The following POMGNT1 variants were observed in gnomAD, a reference collection of about 807,000 sequenced individuals.
POMGNT1 encodes the protein protein O-linked-mannose beta-1,2-N-acetylglucosaminyltransferase 1.
POMGNT1 carries 67 observed loss-of-function variants against 95.6 expected under a neutral mutation model. The ratio of observed to expected loss-of-function variants is 0.70; its 90% CI spans 0.58 to 0.86. The LOEUF is 0.86. Among genes scored for constraint, POMGNT1 ranks in the 40% least tolerant of loss-of-function variants. The probability of loss-of-function intolerance (pLI) is 0.00; values close to 1 mark genes in which losing one functional copy is unlikely to be tolerated. For synonymous variants in POMGNT1, 298 were observed against 317.9 expected, an observed-to-expected ratio of 0.94 and a Z score of 0.66; for missense variants, 719 against 855.2, an observed-to-expected ratio of 0.84 and a Z score of 1.99.
Position 46,196,141 on chromosome 1 carries a change from G to C in POMGNT1, c.355-64C>G. Reference sequence around the variant, plus strand: ...GGCATTCAAGGTGTCTCTGTCTTAGGGGTACTTAAAACACCAGCTGCTTGA... The same window carrying C: ...GGCATTCAAGGTGTCTCTGTCTTAGCGGTACTTAAAACACCAGCTGCTTGA... On this transcript the variant is annotated intron_variant, in intron 4 of 21. Coordinates refer to ENST00000371984, the MANE Select transcript of POMGNT1 (RefSeq NM_017739.4). The surrounding 1 kb of genome is among the most constrained non-coding windows in gnomAD (Gnocchi z 4.4). 1 of 1,611,254 alleles carries C rather than the reference G, an allele frequency of 6.2e-7. No individual in the cohort carries two copies. Among genetic ancestry groups the C allele is most frequent in the South Asian group, 1.1e-5 (1 of 90,664 alleles).
chr1:46,212,070 C>T (rs1481232902), intron 1 of POMGNT1, among the ~76,000 whole-genome samples: 1 of 151,952 alleles, frequency 6.6e-6, no homozygotes, highest in African/African-American at 2.4e-5. Flanking sequence ...CCTCAATGTA[C>T]AAATATTAAT....
intron 1 of POMGNT1, among the ~76,000 whole-genome samples, chr1:46,215,421 G>C (rs2148250677): frequency 6.6e-6 from 1 of 152,192 alleles, no homozygotes; most frequent in South Asian, 2.1e-4. Context: ...AGATTGAAAA[G>C]GCCCATCAAG....
chr1:46,197,712 C>A lies in POMGNT1; in HGVS notation c.110G>T (p.Arg37Ile), dbSNP rs144746222. The A allele has an allele frequency of 1.4e-5, 23 of 1,614,144 alleles. No homozygotes were observed. Among genetic ancestry groups the A allele is most frequent in the Non-Finnish European group, 1.9e-5 (23 of 1,180,006 alleles). The change falls in exon 2 of 22, where the codon AGA becomes ATA. Residue 37 changes from arginine to isoleucine, a missense_variant. Transcript: ENST00000371984. ...YKLTNQRALR[R>I]FCQTGAVLFL... ...GGGACATCTCTATACCTGACAGAAT[C>A]TCCGCAGGGCCCGCTGGTTTGTCAG... is the stretch of plus-strand genomic sequence containing the variant.
At chr1:46,194,692 C>A in intron 7 of POMGNT1, 41 bp from the exon 8 acceptor site, 1 of 1,614,236 alleles carries the variant, frequency 6.2e-7, no homozygotes, top group African/African-American at 1.3e-5. Flanking sequence ...GGCCCAGACA[C>A]CAGTTTGGGG....
At chr1:46,203,304 G>T, upstream of POMGNT1, 2 of 676,184 alleles carry the variant, frequency 3.0e-6, no homozygotes, top group Non-Finnish European at 4.5e-6. Context: ...CCCTCCTCCC[G>T]CCCCCGCGCC....
intron 1 of POMGNT1, among the ~76,000 whole-genome samples, chr1:46,206,195 T>C (rs1332852966): frequency 6.6e-6 from 1 of 152,250 alleles, no homozygotes; most frequent in Non-Finnish European, 1.5e-5. Flanking sequence ...AAGTCTTGGC[T>C]CTGCTTCTGA....
chr1:46,202,905 C>CTG (rs1553164797), upstream of POMGNT1, among the ~76,000 whole-genome samples: 4 of 3,918 alleles, frequency 1.0e-3, 2 homozygotes, highest in Non-Finnish European at 0.023. Flanking sequence ...ATTCTAGCCC[C>CTG]TGGGGGGGGG....
upstream of POMGNT1, among the ~76,000 whole-genome samples, chr1:46,200,760 C>A (rs1658510314): frequency 6.6e-6 from 1 of 152,238 alleles, no homozygotes; most frequent in Non-Finnish European, 1.5e-5. Flanking sequence ...ATTTCAGTTT[C>A]TTGCTTTCCA....
chr1:46,219,532 G>A (rs1659166927), intron 1 of POMGNT1, among the ~76,000 whole-genome samples: 1 of 152,180 alleles, frequency 6.6e-6, no homozygotes, highest in East Asian at 1.9e-4. Context: ...GAGCTGAAAT[G>A]TTAGGCAGCA....
chr1:46,207,344 T>G (rs904032067), intron 1 of POMGNT1, among the ~76,000 whole-genome samples: 1 of 151,736 alleles, frequency 6.6e-6, no homozygotes, highest in African/African-American at 2.4e-5. Flanking sequence ...CCTCCCAAAG[T>G]GCTGGGATTA....
chr1:46,202,587 C>G (rs547205659), upstream of POMGNT1, among the ~76,000 whole-genome samples: 6 of 149,824 alleles, frequency 4.0e-5, no homozygotes, highest in Non-Finnish European at 8.8e-5. Flanking sequence ...CCCAGCTACT[C>G]AGGAGGCAGA....
chr1:46,197,499 T>G, intron 2 of POMGNT1: 1 of 1,492,404 alleles, frequency 6.7e-7, no homozygotes, highest in Non-Finnish European at 8.9e-7. Flanking sequence ...GTCAGAAGCT[T>G]AGAAGTTGTA....
exon 1 of POMGNT1, chr1:46,220,008 G>T (rs1447218588): frequency 6.2e-7 from 1 of 1,614,240 alleles, no homozygotes; most frequent in African/African-American, 1.3e-5. Context: ...TTCCGAGATG[G>T]ACTGGGCAAA....
At chr1:46,200,475 G>C (rs952852311), upstream of POMGNT1, among the ~76,000 whole-genome samples, 2 of 152,168 alleles carry the variant, frequency 1.3e-5, no homozygotes, top group African/African-American at 4.8e-5. Context: ...CAAACAGCTG[G>C]GAGTCACCCT....
Position 46,193,715 on chromosome 1 carries a change from C to T in POMGNT1, c.951-76G>A, listed in dbSNP as rs898529452. The stretch of plus-strand genomic sequence containing the variant: ...GTTCCCCTGTGTTTACAGCTGGGCC[C>T]AGAGTCCCTATGCTTACCCACAGAG... On this transcript the variant is annotated intron_variant, in intron 10 of 21. Transcript: ENST00000371984. The T allele has an allele frequency of 5.6e-6, 9 of 1,607,194 alleles. No homozygotes were observed. In the African/African-American group the frequency reaches 9.4e-5, roughly 17 times the overall value.
chr1:46,215,511 C>T (rs1463696648), intron 1 of POMGNT1, among the ~76,000 whole-genome samples: 1 of 152,156 alleles, frequency 6.6e-6, no homozygotes, highest in African/African-American at 2.4e-5. Context: ...AAGAGAAGAT[C>T]CTAAAAGCTT....
upstream of POMGNT1, among the ~76,000 whole-genome samples, chr1:46,202,920 G>GTGTGTGTGT (rs540959987): frequency 7.8e-5 from 5 of 64,514 alleles, no homozygotes; most frequent in African/African-American, 3.3e-4. Context: ...GGGGGGGGGT[G>GTGTGTGTGT]GTGTGTGTGT....
At chr1:46,206,842 G>A (rs187205068) in intron 1 of POMGNT1, among the ~76,000 whole-genome samples, 1 of 152,274 alleles carries the variant, frequency 6.6e-6, no homozygotes, top group Non-Finnish European at 1.5e-5. Flanking sequence ...AATGGATTGG[G>A]CAGGATCTGC....
At chr1:46,197,970 A>G in intron 1 of POMGNT1, 99 bp from the exon 2 acceptor site, 2 of 1,189,702 alleles carry the variant, frequency 1.7e-6, no homozygotes, top group South Asian at 2.9e-5. Flanking sequence ...TCTTCCCTGC[A>G]AGCACCCATA....
Sources: gnomAD v4.1 joint callset for allele counts (sites outside exome capture counted in the v4.1 genomes callset) on GRCh38, gnomAD v4.1.1 for gene constraint, Gnocchi (gnomAD v3.1) non-coding constraint, MANE v1.5 for transcripts, NCBI Gene and HGNC (gene_info 2026-07-23, HGNC 2026-07-21) for gene names.